Variants in PARD3 observed in about 807,000 individuals in gnomAD.
The protein encoded by PARD3 is partitioning defective 3 homolog.
A neutral mutation model predicts 155.4 loss-of-function variants in PARD3; 75 were observed. The ratio of observed to expected loss-of-function variants is 0.48; its 90% CI spans 0.40 to 0.58. The LOEUF (loss-of-function observed/expected upper bound fraction) is 0.58. Ranked by LOEUF, PARD3 falls within the 20% of genes least tolerant of loss-of-function variation. PARD3 has a pLI of 0.00. For synonymous variants in PARD3, 576 were observed against 610.5 expected (o/e 0.94, Z 0.83); for missense variants, 1,642 against 1,721.7 (o/e 0.95, Z 0.82).
intron 2 of PARD3, among the ~76,000 whole-genome samples, chr10:34,627,114 A>G (rs2092016734): frequency 6.6e-6 from 1 of 151,096 alleles, no homozygotes; most frequent in African/African-American, 2.4e-5. Flanking sequence ...TGCAGCCTTG[A>G]CCTCCTTGGC....
At chr10:34,659,893 G>C (rs374661936) in intron 2 of PARD3, among the ~76,000 whole-genome samples, 10 of 152,056 alleles carry the variant, frequency 6.6e-5, no homozygotes, top group African/African-American at 2.4e-4. Context: ...TTTTGCTTCC[G>C]CGCATGCATT....
At chr10:34,369,841 G>C (rs1235054453) in intron 12 of PARD3, among the ~76,000 whole-genome samples, 1 of 152,070 alleles carries the variant, frequency 6.6e-6, no homozygotes, top group East Asian at 1.9e-4. Context: ...TGACAAAATA[G>C]ATAATCAAAG....
intron 1 of PARD3, among the ~76,000 whole-genome samples, chr10:34,801,704 G>C (rs1253283905): frequency 6.6e-6 from 1 of 152,164 alleles, no homozygotes; most frequent in African/African-American, 2.4e-5. Flanking sequence ...CTAAGCAAAA[G>C]ATGTTCTGTG....
chr10:34,682,327 A>T (rs935104231), intron 2 of PARD3, among the ~76,000 whole-genome samples: 1 of 146,728 alleles, frequency 6.8e-6, no homozygotes, highest in Non-Finnish European at 1.5e-5. Context: ...GCTGGGGCAG[A>T]AGAACTGCTT....
At chr10:34,689,934 GTTATTTAT>G (rs199639601) in intron 2 of PARD3, among the ~76,000 whole-genome samples, 8 of 89,170 alleles carry the variant, frequency 9.0e-5, no homozygotes, top group African/African-American at 5.9e-4. Context: ...ATTTTTACAT[GTTATTTAT>G]TTATTTATTT....
intron 2 of PARD3, among the ~76,000 whole-genome samples, chr10:34,547,343 C>T (rs2084164709): frequency 1.3e-5 from 2 of 152,192 alleles, no homozygotes; most frequent in Non-Finnish European, 2.9e-5. Flanking sequence ...TTTTACAATA[C>T]ATTTTAAACA....
chr10:34,216,198 T>C (rs539058443), intron 22 of PARD3, among the ~76,000 whole-genome samples: 3 of 152,326 alleles, frequency 2.0e-5, no homozygotes, highest in Non-Finnish European at 4.4e-5. Flanking sequence ...AATATTTGTA[T>C]GCAAATATTT....
chr10:34,436,313 T>C (rs1367467289), intron 5 of PARD3, among the ~76,000 whole-genome samples: 1 of 152,184 alleles, frequency 6.6e-6, no homozygotes, highest in Admixed American at 6.5e-5. Context: ...CTAAACAGTA[T>C]AGGAAGCCCA....
chr10:34,442,415 T>C (rs952073891), intron 5 of PARD3, among the ~76,000 whole-genome samples: 9 of 152,308 alleles, frequency 5.9e-5, no homozygotes, highest in African/African-American at 1.9e-4. Flanking sequence ...TGTAATCAGA[T>C]TGCTGAATAA....
chr10:34,790,323 T>G (rs1486492903), intron 1 of PARD3, among the ~76,000 whole-genome samples: 1 of 152,182 alleles, frequency 6.6e-6, no homozygotes, highest in African/African-American at 2.4e-5. Flanking sequence ...CAGGGAGGCA[T>G]GAACAGTAAT....
At chr10:34,543,401 AG>A (rs1256539383) in intron 2 of PARD3, among the ~76,000 whole-genome samples, 1 of 152,232 alleles carries the variant, frequency 6.6e-6, no homozygotes, top group Non-Finnish European at 1.5e-5. Flanking sequence ...GAAAAGAAGA[AG>A]AAAAAAAGAC....
Position 34,382,907 on chromosome 10 carries a change from A to G in PARD3, c.1032T>C (p.Phe344=), listed in dbSNP as rs751467125. 2.5e-6 allele frequency: 4 copies of G among 1,614,044 alleles called. No individual in the cohort carries two copies. The East Asian group carries it at 6.7e-5, about 27-fold the overall frequency. The change falls in exon 9 of 25, where the codon TTT becomes TTC. Residue 344 remains phenylalanine, a synonymous_variant. Transcript: ENST00000374788. ...NRRFEQAQHM[F]RQAMRTPIIW... Reference sequence around the variant, plus strand: ...TGATGGGTGTACGCATGGCTTGGCGAAACATATGTTGTGCTCTGGGTTTGA... The same window carrying G: ...TGATGGGTGTACGCATGGCTTGGCGGAACATATGTTGTGCTCTGGGTTTGA...
intron 19 of PARD3, 43 bp downstream of exon 19, chr10:34,331,074 A>C: frequency 6.7e-7 from 1 of 1,482,282 alleles, no homozygotes; most frequent in Non-Finnish European, 9.4e-7. Flanking sequence ...TAAGAAATAG[A>C]GTCTAATTTT....
At chr10:34,810,202 T>C (rs372039075) in intron 1 of PARD3, among the ~76,000 whole-genome samples, 1 of 152,346 alleles carries the variant, frequency 6.6e-6, no homozygotes, top group South Asian at 2.1e-4. Flanking sequence ...AAATTCCACA[T>C]GTAAGTACTT....
At chr10:34,613,866 T>G (rs953232544) in intron 2 of PARD3, among the ~76,000 whole-genome samples, 1 of 152,236 alleles carries the variant, frequency 6.6e-6, no homozygotes, top group Non-Finnish European at 1.5e-5. Flanking sequence ...TAAACTTGCT[T>G]TTTAAAATGA....
chr10:34,726,038 T>C lies in PARD3; in HGVS notation c.121-29619A>G, dbSNP rs79490796. Among the ~76,000 whole-genome samples, 518 of 152,340 alleles carry C rather than the reference T, an allele frequency of 3.4e-3. 3 individuals carry two copies. The highest frequency in any genetic ancestry group is 0.011 in the African/African-American group (461 of 41,578). On this transcript the variant is annotated intron_variant, in intron 1 of 24. Transcript: ENST00000374788. ...CTTAAGGGAGTGTAAAGGTAATCAATTAGCACCACAAGGATTTCTGCCTAA... is the reference window on the plus strand; with the variant it reads ...CTTAAGGGAGTGTAAAGGTAATCAACTAGCACCACAAGGATTTCTGCCTAA...
chr10:34,557,641 G>C (rs1018101789), intron 2 of PARD3, among the ~76,000 whole-genome samples: 3 of 152,046 alleles, frequency 2.0e-5, no homozygotes, highest in African/African-American at 7.2e-5. Context: ...ACCATGCCTG[G>C]CTAAGAGGGT....
chr10:34,551,735 C>G (rs184986673), intron 2 of PARD3, among the ~76,000 whole-genome samples: 97 of 152,280 alleles, frequency 6.4e-4, no homozygotes, highest in African/African-American at 2.2e-3. Flanking sequence ...GTGTGATGGG[C>G]ACTGGGGGTG....
At chr10:34,731,979 ACT>A (rs2094826607) in intron 1 of PARD3, among the ~76,000 whole-genome samples, 1 of 152,312 alleles carries the variant, frequency 6.6e-6, no homozygotes, top group Non-Finnish European at 1.5e-5. Flanking sequence ...TGCAAGACTA[ACT>A]CTCAAAAAGA....
Sources: allele counts gnomAD v4.1 joint callset (sites outside exome capture counted in the v4.1 genomes callset), GRCh38; gene constraint gnomAD v4.1.1; transcripts MANE v1.5; gene names NCBI Gene and HGNC (gene_info 2026-07-23, HGNC 2026-07-21).